Variants in KAZN observed in about 807,000 individuals in gnomAD.
KAZN encodes the protein kazrin, periplakin interacting protein.
In KAZN, 40 loss-of-function variants were observed where a neutral mutation model predicts 87.4. That is an observed-to-expected ratio of 0.46 (90% CI 0.36 to 0.60). KAZN has a LOEUF of 0.60. Among genes scored for constraint, KAZN ranks in the 20% least tolerant of loss-of-function variants. The pLI, the probability that KAZN is intolerant of heterozygous loss-of-function variation, is 0.00. For synonymous variants in KAZN, 466 were observed against 458.3 expected (o/e 1.02, Z -0.22); for missense variants, 898 against 1,073.9 (o/e 0.84, Z 2.29).
chr1:14,461,186 C>G (rs1364323250), intron 2 of KAZN, among the ~76,000 whole-genome samples: 2 of 152,158 alleles, frequency 1.3e-5, no homozygotes, highest in Non-Finnish European at 2.9e-5. Flanking sequence ...CCTTTCCTGG[C>G]TGTCATCTCT....
chr1:14,974,275 A>G (rs1412593120), intron 2 of KAZN, among the ~76,000 whole-genome samples: 1 of 152,180 alleles, frequency 6.6e-6, no homozygotes, highest in Non-Finnish European at 1.5e-5. Context: ...CAGACCCCAC[A>G]CTATAAAAGG....
intron 1 of KAZN, among the ~76,000 whole-genome samples, chr1:14,912,286 C>T (rs974096408): frequency 2.0e-5 from 3 of 152,058 alleles, no homozygotes; most frequent in Non-Finnish European, 1.5e-5. Flanking sequence ...GTAGTGGGGA[C>T]TGGTGAGATA....
intron 2 of KAZN, among the ~76,000 whole-genome samples, chr1:14,554,692 T>C (rs1673751887): frequency 6.6e-6 from 1 of 152,206 alleles, no homozygotes; most frequent in African/African-American, 2.4e-5. Flanking sequence ...AAGATCTGTA[T>C]TGGAGTCCAT....
intron 2 of KAZN, among the ~76,000 whole-genome samples, chr1:14,303,264 AG>A (rs1316371553): frequency 6.6e-6 from 1 of 152,076 alleles, no homozygotes; most frequent in Non-Finnish European, 1.5e-5. Flanking sequence ...GAGTCTACAA[AG>A]GTGTGTCTCA....
chr1:14,029,568 G>T (rs1265576369), intron 1 of KAZN, among the ~76,000 whole-genome samples: 5 of 144,402 alleles, frequency 3.5e-5, no homozygotes, highest in Admixed American at 1.4e-4. Flanking sequence ...GTCCTGAATG[G>T]TAATGCCTAG....
intron 1 of KAZN, among the ~76,000 whole-genome samples, chr1:13,933,350 G>T (rs1376964946): frequency 6.6e-6 from 1 of 152,094 alleles, no homozygotes; most frequent in Non-Finnish European, 1.5e-5. Flanking sequence ...AAATTAGCCA[G>T]GCGTGGTGGC....
intron 2 of KAZN, among the ~76,000 whole-genome samples, chr1:15,009,090 C>T (rs1669327704): frequency 1.3e-5 from 2 of 152,232 alleles, no homozygotes; most frequent in Admixed American, 1.3e-4. Flanking sequence ...TTCCCTCCAG[C>T]CTTAGCTAGC....
At chr1:14,260,444 T>TGGG (rs901161763) in intron 2 of KAZN, among the ~76,000 whole-genome samples, 38 of 152,064 alleles carry the variant, frequency 2.5e-4, no homozygotes, top group Non-Finnish European at 4.1e-4. Context: ...GCAAAGGCCC[T>TGGG]GGGACAGAGC....
chr1:14,300,526 G>C (rs1654475579), intron 2 of KAZN, among the ~76,000 whole-genome samples: 1 of 152,152 alleles, frequency 6.6e-6, no homozygotes, highest in Non-Finnish European at 1.5e-5. Context: ...ATGAGCCACT[G>C]TGCTCAGCCG....
At chr1:14,076,219 T>C (rs1417293080) in intron 1 of KAZN, among the ~76,000 whole-genome samples, 1 of 151,638 alleles carries the variant, frequency 6.6e-6, no homozygotes, top group Non-Finnish European at 1.5e-5. Flanking sequence ...AGGTGGAGGT[T>C]GCGGTGAGCC....
At chr1:14,914,112 T>C (rs1197781071) in intron 1 of KAZN, among the ~76,000 whole-genome samples, 1 of 152,198 alleles carries the variant, frequency 6.6e-6, no homozygotes, top group Non-Finnish European at 1.5e-5. Context: ...TGGAGGGCTG[T>C]GGAAACAGAC....
At chr1:14,104,942 C>T (rs1644335508) in intron 1 of KAZN, among the ~76,000 whole-genome samples, 1 of 152,086 alleles carries the variant, frequency 6.6e-6, no homozygotes, top group African/African-American at 2.4e-5. Context: ...GTCAAATCCC[C>T]TTTGGTCCTT....
At chr1:14,387,848 C>A (rs991519328) in intron 2 of KAZN, among the ~76,000 whole-genome samples, 1 of 152,164 alleles carries the variant, frequency 6.6e-6, no homozygotes, top group Admixed American at 6.5e-5. Flanking sequence ...CCACCCAGTT[C>A]GAGCTTCCCG....
At chr1:14,383,795 A>G (rs1000458417) in intron 2 of KAZN, among the ~76,000 whole-genome samples, 1 of 152,046 alleles carries the variant, frequency 6.6e-6, no homozygotes, top group Non-Finnish European at 1.5e-5. Flanking sequence ...ACTTGGCTAT[A>G]TGGGCTCTTT....
Position 15,094,986 on chromosome 1 carries a change from C to A in KAZN, c.1547+53C>A, listed in dbSNP as rs374919105. ...GAGGAGAGAAAAAGTCATCCTGAGG[C>A]CTTTGGTCACACAGGTGGGGTGAGC... On this transcript the variant is annotated intron_variant, in intron 10 of 14. Coordinates refer to ENST00000376030, the MANE Select transcript of KAZN (RefSeq NM_201628.3). The surrounding 1 kb of genome is among the most constrained non-coding windows in gnomAD (Gnocchi z 4.5). 8 of 1,284,362 alleles carry A rather than the reference C, an allele frequency of 6.2e-6. No homozygotes were observed. The highest frequency in any genetic ancestry group is 4.0e-5 in the Admixed American group (2 of 49,922). 79.6% of individuals were successfully genotyped at this position (1,284,362 alleles called of 1,614,324 possible).
intron 2 of KAZN, among the ~76,000 whole-genome samples, chr1:14,457,057 G>A (rs1667605172): frequency 6.6e-6 from 1 of 152,190 alleles, no homozygotes; most frequent in African/African-American, 2.4e-5. Context: ...TCCAGCCTGG[G>A]TGACAGAGCG....
chr1:14,315,458 A>G (rs990535279), intron 2 of KAZN, among the ~76,000 whole-genome samples: 1 of 152,138 alleles, frequency 6.6e-6, no homozygotes, highest in Non-Finnish European at 1.5e-5. Context: ...ATGAGTTTTG[A>G]CACATATAGA....
rs142127513 is a variant in KAZN, at chr1:14,992,882, G to A, written c.418+32007G>A. 5.1e-3 allele frequency among the ~76,000 whole-genome samples: 776 copies of A among 152,022 alleles called. 5 individuals carry two copies. The highest frequency in any genetic ancestry group is 0.016 in the African/African-American group (644 of 41,480). Reference sequence around the variant, plus strand: ...TGGTCTCGAACTCCTGGACTCAAGCGATCCACTCGCCTCAGCCTCCCAAAG... The same window carrying A: ...TGGTCTCGAACTCCTGGACTCAAGCAATCCACTCGCCTCAGCCTCCCAAAG... On this transcript the variant is annotated intron_variant, in intron 2 of 14. Transcript: ENST00000376030.
chr1:14,898,175 G>A (rs1312072266), intron 1 of KAZN, among the ~76,000 whole-genome samples: 1 of 152,092 alleles, frequency 6.6e-6, no homozygotes, highest in East Asian at 1.9e-4. Context: ...TTTCCCCAAG[G>A]TTCCTTCCAC....
Sources: gnomAD v4.1 joint callset for allele counts (sites outside exome capture counted in the v4.1 genomes callset) on GRCh38, gnomAD v4.1.1 for gene constraint, Gnocchi (gnomAD v3.1) non-coding constraint, MANE v1.5 for transcripts, NCBI Gene and HGNC (gene_info 2026-07-23, HGNC 2026-07-21) for gene names.